The following FAM81B variants were observed in gnomAD, a reference collection of about 807,000 sequenced individuals.
The protein encoded by FAM81B is protein FAM81B.
Under a neutral mutation model 58.7 loss-of-function variants are expected in FAM81B, and 60 were observed. The observed-to-expected ratio is 1.02, with a 90% CI of 0.83 to 1.27. The LOEUF (loss-of-function observed/expected upper bound fraction) is 1.27, where lower values mean the gene tolerates loss of function less well. FAM81B is among the 50% of genes most tolerant of loss of function. FAM81B has a pLI of 0.00. For missense variants in FAM81B, 491 were observed against 522.0 expected (o/e 0.94, Z 0.58); for synonymous variants, 189 against 179.6 (o/e 1.05, Z -0.42).
At chr5:95,424,110 A>T in intron 5 of FAM81B, 1 of 1,289,814 alleles carries the variant, frequency 7.8e-7, no homozygotes, top group South Asian at 1.2e-5. Flanking sequence ...CAGGCTGAGG[A>T]AGGAGAGAGA....
At chr5:95,442,591 A>G (rs1745405743) in intron 7 of FAM81B, among the ~76,000 whole-genome samples, 1 of 152,114 alleles carries the variant, frequency 6.6e-6, no homozygotes, top group Non-Finnish European at 1.5e-5. Context: ...TACCACAGAA[A>G]TTTTTAAAAG....
At chr5:95,405,751 GGGGTGTGGAT>G (rs1762227927) in intron 3 of FAM81B, among the ~76,000 whole-genome samples, 2 of 152,148 alleles carry the variant, frequency 1.3e-5, no homozygotes, top group Non-Finnish European at 2.9e-5. Context: ...GTCCAGGGGT[GGGGTGTGGAT>G]GAGCCCCAGG....
intron 6 of FAM81B, among the ~76,000 whole-genome samples, chr5:95,430,788 T>C (rs945350300): frequency 6.6e-5 from 10 of 152,064 alleles, no homozygotes; most frequent in Admixed American, 6.6e-4. Flanking sequence ...GCTTTCTATA[T>C]GGCTTTCACC....
In FAM81B at chr5:95,447,620, A is replaced by C. The variant is rs114547621; in HGVS notation, c.1030-649A>C. On this transcript the variant is annotated intron_variant, in intron 8 of 9. Transcript: ENST00000283357. ...GGAACACAGAGACTGGAATCCACCA[A>C]CACTTATTCCTGAGGCAGATGGGGC... 2.1e-3 allele frequency among the ~76,000 whole-genome samples: 320 copies of C among 152,314 alleles called. 2 individuals carry two copies. The highest frequency in any genetic ancestry group is 3.9e-3 in the Non-Finnish European group (263 of 68,026).
chr5:95,448,778 C>T (rs1486902051), intron 9 of FAM81B: 5 of 460,972 alleles, frequency 1.1e-5, no homozygotes, highest in Admixed American at 7.4e-5. Context: ...CTTGGACATA[C>T]CCAAGACGTG....
intron 6 of FAM81B, among the ~76,000 whole-genome samples, chr5:95,432,617 G>C (rs1247229583): frequency 2.0e-5 from 3 of 151,734 alleles, no homozygotes; most frequent in Admixed American, 6.6e-5. Context: ...CTCTTCAGAG[G>C]TTAGCTTCTA....
At chr5:95,423,355 G>C (rs1327758447) in intron 5 of FAM81B, among the ~76,000 whole-genome samples, 1 of 151,982 alleles carries the variant, frequency 6.6e-6, no homozygotes, top group Non-Finnish European at 1.5e-5. Context: ...ATAGACTAGG[G>C]GCTTGCGTGG....
At chr5:95,410,088 G>T (rs944949857) in intron 3 of FAM81B, among the ~76,000 whole-genome samples, 1 of 152,192 alleles carries the variant, frequency 6.6e-6, no homozygotes, top group East Asian at 1.9e-4. Flanking sequence ...GTGTCATAGT[G>T]AGTCTTTTAG....
intron 4 of FAM81B, among the ~76,000 whole-genome samples, chr5:95,415,785 T>C (rs55994669): frequency 0.27 from 41,390 of 152,084 alleles, 5,905 homozygotes; most frequent in Non-Finnish European, 0.3. Context: ...TGGATTGTTA[T>C]ATGGTTGATT....
At position 95,448,797 on chromosome 5, in the gene FAM81B, G is replaced by A. The variant is rs571057261; in HGVS notation, c.1225+333G>A. On this transcript the variant is annotated intron_variant, in intron 9 of 9. Coordinates refer to ENST00000283357, the MANE Select transcript of FAM81B (RefSeq NM_152548.3). ...GACATACCCAAGACGTGACTTGTGG[G>A]TATGTTATGAAATTAAGAGCCTAAA... 4.0e-4 allele frequency: 180 copies of A among 445,688 alleles called. 4 individuals are homozygous for A. Among genetic ancestry groups the A allele is most frequent in the South Asian group, 3.0e-3 (177 of 58,196 alleles). The allele number at this position is 445,688 out of a possible 1,614,324, so 27.6% of individuals were successfully genotyped here. A position where few individuals can be genotyped will look rare whatever the true frequency, so the allele number is the denominator to read the frequency against.
chr5:95,446,432 C>A (rs1745559822), intron 7 of FAM81B, 130 bp from the exon 8 acceptor site: 1 of 907,808 alleles, frequency 1.1e-6, no homozygotes, highest in Non-Finnish European at 1.6e-6. Flanking sequence ...TGGCACCTCC[C>A]ACATCACCCC....
chr5:95,440,227 C>T (rs1489244579), intron 7 of FAM81B: 9 of 675,414 alleles, frequency 1.3e-5, no homozygotes, highest in Non-Finnish European at 2.5e-5. Flanking sequence ...CTCGGTCTAG[C>T]TGTGAGGCTT....
intron 5 of FAM81B, among the ~76,000 whole-genome samples, chr5:95,426,964 G>A (rs1205238091): frequency 6.6e-6 from 1 of 152,200 alleles, no homozygotes; most frequent in Non-Finnish European, 1.5e-5. Flanking sequence ...CAGGAGAATG[G>A]CGTGAACCTG....
chr5:95,428,797 T>C (rs1762921284), intron 6 of FAM81B, 65 bp downstream of exon 6: 1 of 1,598,028 alleles, frequency 6.3e-7, no homozygotes. Flanking sequence ...TTATAGCTTA[T>C]CAAAATGCCC....
chr5:95,407,234 G>A lies in FAM81B; in HGVS notation c.294-6713G>A, dbSNP rs1762271741. 2.6e-5 allele frequency among the ~76,000 whole-genome samples: 4 copies of A among 151,226 alleles called. No individual in the cohort carries two copies. The South Asian group carries it at 6.3e-4, about 24-fold the overall frequency. ...ACTCTTCCTTTTGAAAGCTACCTGA[G>A]TGATTCCAAAAATGCCTGTTCTCTT... On this transcript the variant is annotated intron_variant, in intron 3 of 9. Transcript: ENST00000283357.
At chr5:95,409,116 A>C (rs1762341997) in intron 3 of FAM81B, among the ~76,000 whole-genome samples, 3 of 152,224 alleles carry the variant, frequency 2.0e-5, no homozygotes, top group African/African-American at 7.2e-5. Flanking sequence ...ATAACGGTTT[A>C]AATAAATTAT....
rs55687164 is a variant in FAM81B at position 95,420,512 on chromosome 5, C to A, written c.656+110C>A. ...AAAAAGATATTGTCTACACATTAAG[C>A]TAAACTAATGAGATGGCATTTGAGA... On this transcript the variant is annotated intron_variant, in intron 5 of 9. Transcript: ENST00000283357. 5.3e-3 allele frequency: 7,566 copies of A among 1,439,054 alleles called. 319 individuals are homozygous for A. In the African/African-American group the frequency reaches 0.09, roughly 17 times the overall value. The allele number at this position is 1,439,054 out of a possible 1,614,324, so 89.1% of individuals were successfully genotyped here.
chr5:95,415,059 AATTTTAAGGC>A (rs1762502189), intron 4 of FAM81B, among the ~76,000 whole-genome samples: 1 of 152,232 alleles, frequency 6.6e-6, no homozygotes, highest in African/African-American at 2.4e-5. Flanking sequence ...TAAATTAATT[AATTTTAAGGC>A]ATTAGAGTAA....
At chr5:95,450,001 A>C in intron 9 of FAM81B, 148 bp from the exon 10 acceptor site, 1 of 779,788 alleles carries the variant, frequency 1.3e-6, no homozygotes, top group Non-Finnish European at 2.0e-6. Flanking sequence ...GAAATATATT[A>C]TGTACAATTT....
Sources: gnomAD v4.1 joint callset for allele counts (sites outside exome capture counted in the v4.1 genomes callset) on GRCh38, gnomAD v4.1.1 for gene constraint, MANE v1.5 for transcripts, NCBI Gene and HGNC (gene_info 2026-07-23, HGNC 2026-07-21) for gene names.